PLD1: variants seen among roughly 807,000 people sequenced by gnomAD.
The protein encoded by PLD1 is choline phosphatase 1.
In PLD1, 112 loss-of-function variants were observed where a neutral mutation model predicts 137.1. The observed-to-expected ratio is 0.82, with a 90% CI of 0.70 to 0.96. The LOEUF (loss-of-function observed/expected upper bound fraction) is 0.96, where lower values mean the gene tolerates loss of function less well. Among genes scored for constraint, PLD1 ranks in the 40% least tolerant of loss-of-function variants. PLD1 has a pLI of 0.00. For synonymous variants in PLD1, 431 were observed against 454.7 expected (o/e 0.95, Z 0.66); for missense variants, 1,321 against 1,342.0 (o/e 0.98, Z 0.24).
chr3:171,680,144 T>G (rs1713813230), intron 16 of PLD1, among the ~76,000 whole-genome samples: 1 of 151,932 alleles, frequency 6.6e-6, no homozygotes, highest in Non-Finnish European at 1.5e-5. Context: ...TCCATTTTTC[T>G]ACCATTTCTC....
In PLD1 at chr3:171,623,977, A is replaced by AT. The variant is rs763269512; in HGVS notation, c.2594-3458dup. On this transcript the variant is annotated intron_variant, in intron 23 of 26. Coordinates refer to ENST00000351298, the MANE Select transcript of PLD1 (RefSeq NM_002662.5). ...CCTCTATACTTCAAATGTAAGAAAG[A>AT]TTTTGTAAGTATCCAGAGGCAAAAA... 4.1e-5 allele frequency among the ~76,000 whole-genome samples: 6 copies of AT among 148,056 alleles called. No homozygotes were observed. In the East Asian group the frequency reaches 6.2e-4, roughly 15 times the overall value.
At position 171,620,430 on chromosome 3, in the gene PLD1, A is replaced by C; in HGVS notation, c.2684T>G (p.Val895Gly). The change falls in exon 24 of 27, where the codon GTC becomes GGC. Residue 895 changes from valine to glycine, a missense_variant. Transcript: ENST00000351298. ...EGNLVTELIY[V>G]HSKLLIADDN... ...ATCAGCAATTAACAACTTGCTGTGGACATAGATAAGCTCAGTTACTAGGTT... is the reference window on the plus strand; with the variant it reads ...ATCAGCAATTAACAACTTGCTGTGGCCATAGATAAGCTCAGTTACTAGGTT... 6.2e-7 allele frequency: 1 copy of C among 1,600,012 alleles called. No homozygotes were observed. The highest frequency in any genetic ancestry group is 8.6e-7 in the Non-Finnish European group (1 of 1,169,512).
chr3:171,726,133 TA>T (rs1718486336), intron 6 of PLD1, 57 bp from the exon 7 acceptor site: 2 of 1,136,928 alleles, frequency 1.8e-6, no homozygotes, highest in Non-Finnish European at 2.7e-6. Flanking sequence ...ATTTATGCAT[TA>T]AAAAACATGT....
At chr3:171,698,928 A>C (rs1715999142) in intron 12 of PLD1, among the ~76,000 whole-genome samples, 1 of 149,772 alleles carries the variant, frequency 6.7e-6, no homozygotes, top group Non-Finnish European at 1.5e-5. Flanking sequence ...GTGAGCCGAG[A>C]CTGCACCATT....
intron 6 of PLD1, among the ~76,000 whole-genome samples, chr3:171,729,426 A>C (rs1718769923): frequency 1.3e-5 from 2 of 152,180 alleles, no homozygotes; most frequent in South Asian, 4.1e-4. Context: ...GGTAACAAAA[A>C]ATCCTGAAAA....
chr3:171,696,409 T>C (rs891729712), intron 12 of PLD1, among the ~76,000 whole-genome samples: 5 of 152,214 alleles, frequency 3.3e-5, no homozygotes, highest in African/African-American at 1.2e-4. Context: ...ACTTGGTTAT[T>C]AATCAGATAC....
At chr3:171,619,452 C>A (rs1007344667) in intron 24 of PLD1, among the ~76,000 whole-genome samples, 4 of 152,146 alleles carry the variant, frequency 2.6e-5, no homozygotes, top group Non-Finnish European at 5.9e-5. Flanking sequence ...GTATCCTTGA[C>A]AAGAAATGAC....
intron 1 of PLD1, among the ~76,000 whole-genome samples, chr3:171,746,728 C>A (rs1720217904): frequency 6.6e-6 from 1 of 152,136 alleles, no homozygotes. Flanking sequence ...CAATCAGCAC[C>A]CTGTCAAAAT....
Position 171,724,728 on chromosome 3 carries a change from A to C in PLD1, c.726T>G (p.Gly242=), listed in dbSNP as rs759126556. 1 of 1,610,500 alleles carries C rather than the reference A, an allele frequency of 6.2e-7. No individual in the cohort carries two copies. The highest frequency in any genetic ancestry group is 8.5e-7 in the Non-Finnish European group (1 of 1,177,176). ...ACCATCTGTAGCAGGCTCTTCCCTG[A>C]CCACAGCAATTCAAGCCTGGTATTC... ...GHRIPGLNCC[G]QGRACYRWSK... Residue 242 remains glycine, a synonymous_variant, in exon 8 of 27, where the codon GGT becomes GGG. Coordinates refer to ENST00000351298, the MANE Select transcript of PLD1 (RefSeq NM_002662.5).
At chr3:171,804,662 C>T (rs1723778129) in intron 1 of PLD1, among the ~76,000 whole-genome samples, 1 of 152,212 alleles carries the variant, frequency 6.6e-6, no homozygotes, top group South Asian at 2.1e-4. Context: ...ATAAACCAAA[C>T]TAGACTAGAC....
At chr3:171,768,501 C>A (rs1722129989) in intron 1 of PLD1, among the ~76,000 whole-genome samples, 2 of 152,238 alleles carry the variant, frequency 1.3e-5, no homozygotes, top group South Asian at 4.1e-4. Context: ...CACACAGGAA[C>A]AAGGAGTGAT....
intron 21 of PLD1, among the ~76,000 whole-genome samples, chr3:171,657,062 ATTTAG>A (rs1737270676): frequency 6.6e-6 from 1 of 152,230 alleles, no homozygotes; most frequent in African/African-American, 2.4e-5. Flanking sequence ...AAGTCCAAAG[ATTTAG>A]GCTCAAAGCT....
chr3:171,796,799 T>C (rs1723455789), intron 1 of PLD1, among the ~76,000 whole-genome samples: 1 of 152,182 alleles, frequency 6.6e-6, no homozygotes, highest in Non-Finnish European at 1.5e-5. Context: ...ACCAAATCTG[T>C]GGCTTCTGCT....
chr3:171,611,190 T>C (rs1732626304), intron 25 of PLD1, among the ~76,000 whole-genome samples: 1 of 152,232 alleles, frequency 6.6e-6, no homozygotes, highest in African/African-American at 2.4e-5. Context: ...AATTGCATTA[T>C]GGCAAATATA....
At chr3:171,684,693 T>C (rs2108502714) in intron 16 of PLD1, among the ~76,000 whole-genome samples, 1 of 152,324 alleles carries the variant, frequency 6.6e-6, no homozygotes, top group Middle Eastern at 3.4e-3. Context: ...CCTTCCAGGC[T>C]CCAGCAATTC....
chr3:171,653,987 T>C (rs1736993464), intron 21 of PLD1: 16 of 269,236 alleles, frequency 5.9e-5, no homozygotes, highest in South Asian at 4.2e-4. Context: ...CCCAGTGTGG[T>C]ATTTCCCATA....
intron 1 of PLD1, among the ~76,000 whole-genome samples, chr3:171,761,088 C>T (rs568098428): frequency 3.9e-5 from 6 of 152,298 alleles, no homozygotes; most frequent in Admixed American, 2.6e-4. Flanking sequence ...TTTAAACACA[C>T]GTATACATGT....
At chr3:171,726,260 C>T (rs1328432952) in intron 6 of PLD1, among the ~76,000 whole-genome samples, 184 bp from the exon 7 acceptor site, 1 of 152,152 alleles carries the variant, frequency 6.6e-6, no homozygotes, top group Non-Finnish European at 1.5e-5. Flanking sequence ...AATGAAGACA[C>T]ATCCTACTAG....
At chr3:171,778,048 C>T (rs1722649358) in intron 1 of PLD1, among the ~76,000 whole-genome samples, 1 of 152,176 alleles carries the variant, frequency 6.6e-6, no homozygotes, top group Admixed American at 6.5e-5. Context: ...ACATTGCATT[C>T]ATATATGTAT....
Sources: allele counts gnomAD v4.1 joint callset (sites outside exome capture counted in the v4.1 genomes callset), GRCh38; gene constraint gnomAD v4.1.1; transcripts MANE v1.5; gene names NCBI Gene and HGNC (gene_info 2026-07-23, HGNC 2026-07-21).